The following ARL13B variants were observed in gnomAD, a reference collection of about 807,000 sequenced individuals.
The protein encoded by ARL13B is ADP-ribosylation factor-like protein 13B.
Under a neutral mutation model 56.1 loss-of-function variants are expected in ARL13B, and 36 were observed. That is an observed-to-expected ratio of 0.64 (90% CI 0.49 to 0.85). The LOEUF is 0.85. Ranked by LOEUF, ARL13B falls within the 40% of genes least tolerant of loss-of-function variation. The probability of loss-of-function intolerance (pLI) is 0.00; values close to 1 mark genes in which losing one functional copy is unlikely to be tolerated. For missense variants in ARL13B, 519 were observed against 507.1 expected, an observed-to-expected ratio of 1.02 and a Z score of -0.23; for synonymous variants, 178 against 171.1, an observed-to-expected ratio of 1.04 and a Z score of -0.32.
In ARL13B at chr3:94,003,839, TG is replaced by T; in HGVS notation, c.313del (p.Glu105LysfsTer11). ...FVVDSSDEER[M>X]EETKEAMSEM... ...GTGGATTCCAGTGATGAAGAGAGAA[TG>T]GAAGAGACAAAAGAGGCTATGTCAG... On this transcript the variant is annotated frameshift_variant, in exon 3 of 10. Coordinates refer to ENST00000394222, the MANE Select transcript of ARL13B (RefSeq NM_001174150.2). LOFTEE classifies it high-confidence loss of function. The T allele has an allele frequency of 6.2e-7, 1 of 1,613,614 alleles. No individual in the cohort carries two copies. The highest frequency in any genetic ancestry group is 8.5e-7 in the Non-Finnish European group (1 of 1,179,708).
rs565218394 is a variant in ARL13B at position 94,053,393 on chromosome 3, T to G, written c.*130T>G. On this transcript the variant is annotated 3_prime_UTR_variant, in exon 10 of 10. Transcript: ENST00000394222. Reference sequence around the variant, plus strand: ...ACCATAATAATTTTAGTGAGAAGATTAATACTCAAGGACCTGACTTGATAA... The same window carrying G: ...ACCATAATAATTTTAGTGAGAAGATGAATACTCAAGGACCTGACTTGATAA... The G allele has an allele frequency of 7.1e-6, 6 of 839,862 alleles. No individual in the cohort carries two copies. The East Asian group carries it at 1.3e-4, about 18-fold the overall frequency. 52.0% of individuals were successfully genotyped at this position (839,862 alleles called of 1,614,324 possible). A position where few individuals can be genotyped will look rare whatever the true frequency, so the allele number is the denominator to read the frequency against.
chr3:94,024,356 G>C (rs1041269460), intron 3 of ARL13B, among the ~76,000 whole-genome samples: 1 of 152,144 alleles, frequency 6.6e-6, no homozygotes, highest in African/African-American at 2.4e-5. Context: ...AGAGGCGAGA[G>C]AAAGAGAAAG....
At chr3:94,034,654 G>A (rs964102420) in intron 3 of ARL13B, among the ~76,000 whole-genome samples, 1 of 151,810 alleles carries the variant, frequency 6.6e-6, no homozygotes, top group Non-Finnish European at 1.5e-5. Flanking sequence ...TGAATATTTG[G>A]GCATTTAAAA....
At chr3:94,046,086 A>G (rs2076979942) in intron 7 of ARL13B, among the ~76,000 whole-genome samples, 1 of 152,124 alleles carries the variant, frequency 6.6e-6, no homozygotes, top group Non-Finnish European at 1.5e-5. Context: ...TAGATCCCCA[A>G]AATATGGTAA....
chr3:94,036,719 AAG>A lies in ARL13B; in HGVS notation c.657_658del (p.Arg219SerfsTer2). 1 of 1,613,844 alleles carries A rather than the reference AAG, an allele frequency of 6.2e-7. No homozygotes were observed. The highest frequency in any genetic ancestry group is 1.3e-5 in the African/African-American group (1 of 75,046). On this transcript the variant is annotated frameshift_variant, in exon 5 of 10. Transcript: ENST00000394222. LOFTEE classifies it high-confidence loss of function. ...RALEEQEKQE[R>X]AERVRKLREE... ...CTCTTGAGGAACAAGAGAAACAAGA[AAG>A]AGCTGAACGAGTGCGAAAATTACGA...
At chr3:94,033,233 G>C (rs2076708082) in intron 3 of ARL13B, among the ~76,000 whole-genome samples, 1 of 152,098 alleles carries the variant, frequency 6.6e-6, no homozygotes, top group African/African-American at 2.4e-5. Flanking sequence ...GGTGGAAGGG[G>C]AGTTAGAGAT....
At chr3:94,048,453 T>C (rs567716008) in intron 7 of ARL13B, among the ~76,000 whole-genome samples, 25 of 152,374 alleles carry the variant, frequency 1.6e-4, no homozygotes, top group Admixed American at 1.4e-3. Flanking sequence ...TATATGTGTT[T>C]AAGTTAAAAT....
At chr3:94,018,317 T>C (rs2076375378) in intron 3 of ARL13B, among the ~76,000 whole-genome samples, 1 of 152,146 alleles carries the variant, frequency 6.6e-6, no homozygotes, top group African/African-American at 2.4e-5. Flanking sequence ...ATGGGAACCA[T>C]CAGGATATAT....
At chr3:94,000,562 C>T (rs1424774688) in intron 2 of ARL13B, among the ~76,000 whole-genome samples, 2 of 149,354 alleles carry the variant, frequency 1.3e-5, no homozygotes, top group East Asian at 2.0e-4. Flanking sequence ...AAAAAAAAAA[C>T]AAAAAAATTA....
chr3:94,026,213 G>T (rs1463633963), intron 3 of ARL13B, among the ~76,000 whole-genome samples: 1 of 151,960 alleles, frequency 6.6e-6, no homozygotes. Flanking sequence ...TAGAGATGGG[G>T]TTTCACCGTG....
At chr3:94,031,490 A>G (rs2107087460) in intron 3 of ARL13B, among the ~76,000 whole-genome samples, 1 of 152,292 alleles carries the variant, frequency 6.6e-6, no homozygotes, top group Admixed American at 6.5e-5. Flanking sequence ...TAAAGAAGCT[A>G]TCAAAGACTG....
chr3:93,980,710 T>C (rs1178475032), intron 1 of ARL13B, among the ~76,000 whole-genome samples: 4 of 150,796 alleles, frequency 2.7e-5, no homozygotes, highest in Non-Finnish European at 5.9e-5. Flanking sequence ...TTTAAATAGG[T>C]TTGAATTTGT....
chr3:94,036,780 G>T, intron 5 of ARL13B, 26 bp downstream of exon 5: 1 of 1,590,364 alleles, frequency 6.3e-7, no homozygotes, highest in South Asian at 1.1e-5. Flanking sequence ...TTGTACCACA[G>T]TGCATTTGAA....
intron 3 of ARL13B, among the ~76,000 whole-genome samples, chr3:94,030,776 T>A (rs1033858989): frequency 4.6e-5 from 7 of 152,288 alleles, no homozygotes; most frequent in South Asian, 2.1e-4. Flanking sequence ...GTCTTAATAT[T>A]TAGTAATCAT....
At chr3:94,049,910 T>C (rs2077042785) in intron 8 of ARL13B, among the ~76,000 whole-genome samples, 1 of 151,164 alleles carries the variant, frequency 6.6e-6, no homozygotes, top group Non-Finnish European at 1.5e-5. Context: ...CCCAGCACTT[T>C]GTGAGGCCGA....
intron 2 of ARL13B, among the ~76,000 whole-genome samples, chr3:94,002,489 A>G (rs1198630529): frequency 6.6e-6 from 1 of 152,204 alleles, no homozygotes; most frequent in African/African-American, 2.4e-5. Flanking sequence ...TGTTTTGACC[A>G]TGCAGCTCTG....
chr3:94,011,621 C>A (rs1261963757), intron 3 of ARL13B, among the ~76,000 whole-genome samples: 5 of 152,138 alleles, frequency 3.3e-5, no homozygotes, highest in Admixed American at 2.6e-4. Flanking sequence ...CCAAGTCCAG[C>A]TTCTGCATTT....
In ARL13B at chr3:94,032,406, G is replaced by A. The variant is rs187994640; in HGVS notation, c.381-2925G>A. Among the ~76,000 whole-genome samples the A allele has an allele frequency of 2.2e-3, 335 of 152,336 alleles. 1 individual carries two copies. Among genetic ancestry groups the A allele is most frequent in the Middle Eastern group, 0.014 (4 of 292 alleles). ...GTTACTGAAAAGTTAAAACATAGCA[G>A]ATGTCTGCGAGATTGTGTAGCAAAA... On this transcript the variant is annotated intron_variant, in intron 3 of 9. Coordinates refer to ENST00000394222, the MANE Select transcript of ARL13B (RefSeq NM_001174150.2).
chr3:93,996,342 A>G (rs970311796), intron 2 of ARL13B, among the ~76,000 whole-genome samples: 1 of 152,218 alleles, frequency 6.6e-6, no homozygotes, highest in Admixed American at 6.5e-5. Context: ...ATAGTTAGCC[A>G]GCATAGTTCT....
Sources: gnomAD v4.1 joint callset for allele counts (sites outside exome capture counted in the v4.1 genomes callset) on GRCh38, gnomAD v4.1.1 for gene constraint, MANE v1.5 for transcripts, NCBI Gene and HGNC (gene_info 2026-07-23, HGNC 2026-07-21) for gene names.